ERBB4: variants seen among roughly 807,000 people sequenced by gnomAD.
ERBB4 encodes erb-b2 receptor tyrosine kinase 4, also known as receptor tyrosine-protein kinase erbB-4.
Under a neutral mutation model 158.0 loss-of-function variants are expected in ERBB4, and 42 were observed. The observed-to-expected ratio is 0.27, with a 90% CI of 0.21 to 0.34. The LOEUF (loss-of-function observed/expected upper bound fraction) is 0.34, where lower values mean the gene tolerates loss of function less well. ERBB4 is among the 10% of genes least tolerant of loss of function. The pLI is 1.00. For missense variants in ERBB4, 1,333 were observed against 1,624.1 expected, an observed-to-expected ratio of 0.82 and a Z score of 3.08; for synonymous variants, 583 against 558.7, an observed-to-expected ratio of 1.04 and a Z score of -0.61.
chr2:212,492,529 T>C (rs1690337027), intron 1 of ERBB4, among the ~76,000 whole-genome samples: 1 of 151,662 alleles, frequency 6.6e-6, no homozygotes, highest in African/African-American at 2.4e-5. Context: ...TACATGTTGA[T>C]TTAAATGTAA....
intron 1 of ERBB4, among the ~76,000 whole-genome samples, chr2:212,217,544 T>C (rs1996763): frequency 0.49 from 74,512 of 150,854 alleles, 18,817 homozygotes; most frequent in East Asian, 0.77. Context: ...CTCTAGAGGG[T>C]AGCCAGGGTA....
At chr2:211,850,561 G>A (rs1406020434) in intron 3 of ERBB4, among the ~76,000 whole-genome samples, 1 of 151,860 alleles carries the variant, frequency 6.6e-6, no homozygotes, top group Admixed American at 6.6e-5. Flanking sequence ...CAGAACAGAT[G>A]CCTAGTTGGG....
intron 9 of ERBB4, 109 bp downstream of exon 9, chr2:211,711,941 A>G: frequency 1.1e-6 from 1 of 914,026 alleles, no homozygotes; most frequent in African/African-American, 1.6e-5. Context: ...AGCATTAATG[A>G]AAGGTGAAAC....
intron 3 of ERBB4, among the ~76,000 whole-genome samples, chr2:211,833,749 T>C (rs949726329): frequency 1.3e-5 from 2 of 151,974 alleles, no homozygotes; most frequent in Admixed American, 6.6e-5. Flanking sequence ...TTGGCTAACA[T>C]GGCTCAGGTT....
chr2:211,814,084 T>C (rs1239407733), intron 3 of ERBB4, among the ~76,000 whole-genome samples: 3 of 152,146 alleles, frequency 2.0e-5, no homozygotes, highest in Admixed American at 2.0e-4. Context: ...AATAATTTCA[T>C]GAATACGTGA....
chr2:212,524,026 C>T (rs775282436), intron 1 of ERBB4, among the ~76,000 whole-genome samples: 7 of 151,958 alleles, frequency 4.6e-5, no homozygotes, highest in Non-Finnish European at 1.0e-4. Context: ...GTATATGTAA[C>T]AGCCCTCCCT....
intron 20 of ERBB4, among the ~76,000 whole-genome samples, chr2:211,479,320 T>C (rs2065028800): frequency 1.3e-5 from 2 of 152,168 alleles, no homozygotes; most frequent in African/African-American, 4.8e-5. Context: ...GCAAATTTCC[T>C]TCTATCCCTG....
intron 25 of ERBB4, among the ~76,000 whole-genome samples, chr2:211,400,630 T>C (rs2063017903): frequency 6.6e-6 from 1 of 151,086 alleles, no homozygotes; most frequent in Admixed American, 6.6e-5. Context: ...AGGCTGGGAA[T>C]GGTAGTCAAG....
rs1417507032 is a variant in ERBB4, at chr2:212,059,829, C to T, written c.234+64923G>A. ...AAGACTTAAACATTAGATCTAAAAC[C>T]ATAAAAACCCTAGAAGAAAACCTAG... On this transcript the variant is annotated intron_variant, in intron 2 of 27. Coordinates refer to ENST00000342788, the MANE Select transcript of ERBB4 (RefSeq NM_005235.3). Among the ~76,000 whole-genome samples, 4 of 152,192 alleles carry T rather than the reference C, an allele frequency of 2.6e-5. No homozygotes were observed. The South Asian group carries it at 6.2e-4, about 24-fold the overall frequency.
intron 1 of ERBB4, among the ~76,000 whole-genome samples, chr2:212,145,581 T>C (rs1521658): frequency 0.4 from 60,310 of 151,904 alleles, 14,608 homozygotes; most frequent in Non-Finnish European, 0.54. Flanking sequence ...AAACAAGAAA[T>C]TGCTATAGGC....
intron 19 of ERBB4, among the ~76,000 whole-genome samples, chr2:211,603,929 C>T (rs191028131): frequency 3.7e-4 from 57 of 152,320 alleles, no homozygotes; most frequent in Non-Finnish European, 7.2e-4. Context: ...GTTCCACCAG[C>T]TTTCCATGAA....
intron 3 of ERBB4, among the ~76,000 whole-genome samples, chr2:211,871,972 G>A (rs1164571443): frequency 6.6e-6 from 1 of 152,060 alleles, no homozygotes; most frequent in African/African-American, 2.4e-5. Flanking sequence ...AGAGGGTACA[G>A]GAAGCATGTC....
At chr2:211,700,829 G>C (rs557814925) in intron 12 of ERBB4, among the ~76,000 whole-genome samples, 3 of 152,148 alleles carry the variant, frequency 2.0e-5, no homozygotes, top group African/African-American at 7.2e-5. Context: ...CTAGGGTTCT[G>C]CCTTTTAGAA....
chr2:212,456,726 C>A (rs1688306716), intron 1 of ERBB4, among the ~76,000 whole-genome samples: 1 of 151,664 alleles, frequency 6.6e-6, no homozygotes, highest in African/African-American at 2.4e-5. Context: ...CTTTTAAGAG[C>A]AAGAAATGTT....
chr2:211,455,378 TGCCAGGGACAATGGGTTCCCA>T (rs2064355030), intron 20 of ERBB4, among the ~76,000 whole-genome samples: 2 of 152,236 alleles, frequency 1.3e-5, no homozygotes, highest in Non-Finnish European at 1.5e-5. Flanking sequence ...TTCCATGAGT[TGCCAGGGACAATGGGTTCCCA>T]GCAGTGCTAA....
intron 25 of ERBB4, among the ~76,000 whole-genome samples, chr2:211,391,598 T>C (rs565532753): frequency 1.3e-5 from 2 of 152,172 alleles, no homozygotes; most frequent in East Asian, 1.9e-4. Context: ...CGCTGGGAGA[T>C]TGTATGATTA....
rs1553646934 is a variant in ERBB4, at chr2:211,856,398, T to TTATTTATTTATTTATTTATC, written c.422-68240_422-68239insGATAAATAAATAAATAAATA. Among the ~76,000 whole-genome samples, 266 of 145,208 alleles carry TTATTTATTTATTTATTTATC rather than the reference T, an allele frequency of 1.8e-3. 2 individuals are homozygous for TTATTTATTTATTTATTTATC. The highest frequency in any genetic ancestry group is 5.1e-3 in the South Asian group (23 of 4,514). On this transcript the variant is annotated intron_variant, in intron 3 of 27. Transcript: ENST00000342788. Reference sequence around the variant, plus strand: ...TTTATTTATTTATTTATTTATTTATTTATCTGAGATGGAGTCTCGCTCTGT... The same window carrying TTATTTATTTATTTATTTATC: ...TTTATTTATTTATTTATTTATTTATTTATTTATTTATTTATTTATCTATCTGAGATGGAGTCTCGCTCTGT...
chr2:212,328,456 A>C (rs977481946), intron 1 of ERBB4, among the ~76,000 whole-genome samples: 1 of 152,028 alleles, frequency 6.6e-6, no homozygotes, highest in African/African-American at 2.4e-5. Context: ...AGGAATTTTG[A>C]CTTCATCTTG....
intron 4 of ERBB4, among the ~76,000 whole-genome samples, chr2:211,766,247 T>C (rs2075547845): frequency 6.6e-6 from 1 of 152,228 alleles, no homozygotes; most frequent in Non-Finnish European, 1.5e-5. Flanking sequence ...ATACAGCTGC[T>C]TGCAACAATC....
Sources: gnomAD v4.1 joint callset for allele counts (sites outside exome capture counted in the v4.1 genomes callset) on GRCh38, gnomAD v4.1.1 for gene constraint, MANE v1.5 for transcripts, NCBI Gene and HGNC (gene_info 2026-07-23, HGNC 2026-07-21) for gene names.